Variants in ADAMTS6 observed in about 807,000 individuals in gnomAD.
The protein encoded by ADAMTS6 is A disintegrin and metalloproteinase with thrombospondin motifs 6.
A neutral mutation model predicts 144.3 loss-of-function variants in ADAMTS6; 23 were observed. That is an observed-to-expected ratio of 0.16 (90% CI 0.11 to 0.23). ADAMTS6 has a LOEUF of 0.23. ADAMTS6 is among the 10% of genes least tolerant of loss of function. The pLI, the probability that ADAMTS6 is intolerant of heterozygous loss-of-function variation, is 1.00. For synonymous variants in ADAMTS6, 444 were observed against 457.5 expected (o/e 0.97, Z 0.38); for missense variants, 999 against 1,379.6 (o/e 0.72, Z 4.37).
chr5:65,192,187 A>C (rs1755057935), intron 21 of ADAMTS6, among the ~76,000 whole-genome samples: 1 of 151,586 alleles, frequency 6.6e-6, no homozygotes, highest in Non-Finnish European at 1.5e-5. Context: ...CACTGGATAA[A>C]AATTAATCTC....
At chr5:65,463,086 A>G (rs530120122) in intron 3 of ADAMTS6, among the ~76,000 whole-genome samples, 1 of 152,248 alleles carries the variant, frequency 6.6e-6, no homozygotes, top group East Asian at 1.9e-4. Context: ...CTAAAAAAAA[A>G]AAAAAAAGCT....
chr5:65,248,499 A>C (rs572404957), intron 14 of ADAMTS6, among the ~76,000 whole-genome samples: 1 of 152,266 alleles, frequency 6.6e-6, no homozygotes, highest in East Asian at 1.9e-4. Context: ...CCCTGAGCTT[A>C]TAAACACATT....
At chr5:65,181,697 A>G (rs554405769) in intron 22 of ADAMTS6, among the ~76,000 whole-genome samples, 1 of 152,352 alleles carries the variant, frequency 6.6e-6, no homozygotes, top group Admixed American at 6.5e-5. Flanking sequence ...TCATGACAAT[A>G]CATAGTAAAT....
intron 21 of ADAMTS6, among the ~76,000 whole-genome samples, chr5:65,192,800 T>C (rs1755099012): frequency 6.6e-6 from 1 of 151,922 alleles, no homozygotes; most frequent in African/African-American, 2.4e-5. Flanking sequence ...AGGACTCCTC[T>C]GGGTCTTCAA....
intron 14 of ADAMTS6, among the ~76,000 whole-genome samples, chr5:65,250,779 G>C (rs1331480483): frequency 2.0e-5 from 3 of 152,056 alleles, no homozygotes; most frequent in Non-Finnish European, 4.4e-5. Context: ...TTTTGTTTTT[G>C]GAAAACAACT....
At chr5:65,273,472 T>C (rs772608757) in intron 11 of ADAMTS6, 25 bp from the exon 12 acceptor site, 2 of 1,574,680 alleles carry the variant, frequency 1.3e-6, no homozygotes, top group South Asian at 2.2e-5. Context: ...AAAAGCAAGT[T>C]GATCAGAAAT....
intron 7 of ADAMTS6, among the ~76,000 whole-genome samples, chr5:65,350,690 G>A (rs1748775386): frequency 6.6e-6 from 1 of 152,170 alleles, no homozygotes; most frequent in African/African-American, 2.4e-5. Context: ...GTCTCACTCT[G>A]TCACCCAGGC....
intron 7 of ADAMTS6, among the ~76,000 whole-genome samples, chr5:65,335,528 T>A (rs948975907): frequency 6.6e-6 from 1 of 152,172 alleles, no homozygotes; most frequent in Non-Finnish European, 1.5e-5. Context: ...CTTTTCATGG[T>A]AATGCAGATA....
intron 4 of ADAMTS6, among the ~76,000 whole-genome samples, chr5:65,454,731 A>G (rs1759047389): frequency 6.6e-6 from 1 of 152,184 alleles, no homozygotes; most frequent in Non-Finnish European, 1.5e-5. Flanking sequence ...ATGCTGGTGA[A>G]CTGACGCTGG....
chr5:65,274,118 A>G (rs1762265973), intron 11 of ADAMTS6, among the ~76,000 whole-genome samples: 3 of 152,128 alleles, frequency 2.0e-5, no homozygotes, highest in South Asian at 2.1e-4. Flanking sequence ...CTCCTTTCCT[A>G]TGATTTTCCA....
At chr5:65,271,621 T>C (rs768718042) in intron 12 of ADAMTS6, among the ~76,000 whole-genome samples, 3 of 152,138 alleles carry the variant, frequency 2.0e-5, no homozygotes, top group Non-Finnish European at 2.9e-5. Context: ...CAATATAATT[T>C]ACTGGTGGAG....
intron 3 of ADAMTS6, among the ~76,000 whole-genome samples, chr5:65,461,477 C>G (rs187618623): frequency 1.3e-5 from 2 of 152,320 alleles, no homozygotes; most frequent in African/African-American, 4.8e-5. Context: ...TTATCTACAT[C>G]TGAAATAAGA....
At chr5:65,427,311 AT>A (rs932578508) in intron 7 of ADAMTS6, among the ~76,000 whole-genome samples, 8 of 150,136 alleles carry the variant, frequency 5.3e-5, no homozygotes, top group African/African-American at 7.3e-5. Flanking sequence ...TATTATTATT[AT>A]TTTTTTTTAG....
At chr5:65,479,824 A>C (rs1012840023) in intron 1 of ADAMTS6, among the ~76,000 whole-genome samples, 16 of 152,222 alleles carry the variant, frequency 1.1e-4, no homozygotes, top group African/African-American at 3.4e-4. Flanking sequence ...TTCAGGCTAG[A>C]AGTTTTTCTT....
At chr5:65,219,191 A>AC (rs1757135416) in intron 18 of ADAMTS6, among the ~76,000 whole-genome samples, 1 of 152,158 alleles carries the variant, frequency 6.6e-6, no homozygotes, top group African/African-American at 2.4e-5. Flanking sequence ...CAAACTTATG[A>AC]CCCACCTCCT....
rs1752158047 is a variant in ADAMTS6 at position 65,151,955 on chromosome 5, G to A, written c.3245-10C>T. ...TTCACATCTTTGCACTCTAACGAAT[G>A]GGGGCAGAAAATGGAAAACAATTAG... is the stretch of plus-strand genomic sequence containing the variant. On this transcript the variant is annotated splice_polypyrimidine_tract_variant and intron_variant, in intron 24 of 24. Transcript: ENST00000381055. 6.2e-7 allele frequency: 1 copy of A among 1,604,284 alleles called. No individual in the cohort carries two copies. The highest frequency in any genetic ancestry group is 8.5e-7 in the Non-Finnish European group (1 of 1,171,734).
rs933789348 is a variant in ADAMTS6, at chr5:65,432,834, C to G, written c.1073+18641G>C. ...TACATGTCACTTCTTTTCCTCAAACCCAGTAAGCTCATTCTTTAACTTACT... is the reference window on the plus strand; with the variant it reads ...TACATGTCACTTCTTTTCCTCAAACGCAGTAAGCTCATTCTTTAACTTACT... On this transcript the variant is annotated intron_variant, in intron 7 of 24. Transcript: ENST00000381055. Among the ~76,000 whole-genome samples the G allele has an allele frequency of 8.7e-4, 133 of 152,130 alleles. 1 individual carries two copies. The highest frequency in any genetic ancestry group is 3.5e-3 in the Admixed American group (53 of 15,272).
intron 4 of ADAMTS6, among the ~76,000 whole-genome samples, chr5:65,456,031 C>T (rs942672664): frequency 1.3e-5 from 2 of 150,696 alleles, no homozygotes; most frequent in African/African-American, 4.9e-5. Flanking sequence ...ATTATATATT[C>T]AATATTTTAT....
intron 11 of ADAMTS6, among the ~76,000 whole-genome samples, chr5:65,282,684 G>T (rs776493137): frequency 3.3e-5 from 5 of 152,098 alleles, no homozygotes; most frequent in Middle Eastern, 3.4e-3. Context: ...TTGGAATTTG[G>T]TATCTTATTG....
Sources: allele counts gnomAD v4.1 joint callset (sites outside exome capture counted in the v4.1 genomes callset), GRCh38; gene constraint gnomAD v4.1.1; transcripts MANE v1.5; gene names NCBI Gene and HGNC (gene_info 2026-07-23, HGNC 2026-07-21).